Variants in CCDC138 observed in about 807,000 individuals in gnomAD.
CCDC138 encodes coiled-coil domain containing 138, also known as coiled-coil domain-containing protein 138.
CCDC138 carries 66 observed loss-of-function variants against 82.3 expected under a neutral mutation model. That is an observed-to-expected ratio of 0.80 (90% CI 0.66 to 0.98). CCDC138 has a LOEUF of 0.98. Ranked by LOEUF, CCDC138 falls within the 50% of genes least tolerant of loss-of-function variation. CCDC138 has a pLI of 0.00. For synonymous variants in CCDC138, 297 were observed against 265.4 expected (o/e 1.12, Z -1.16); for missense variants, 816 against 758.9 (o/e 1.08, Z -0.88).
chr2:108,788,736 A>G, intron 2 of CCDC138, 116 bp from the exon 3 acceptor site: 1 of 1,429,994 alleles, frequency 7.0e-7, no homozygotes. Flanking sequence ...AAAAAAAGAA[A>G]AAAAAATTTG....
At chr2:108,870,504 A>G (rs928415278) in intron 13 of CCDC138, among the ~76,000 whole-genome samples, 2 of 152,256 alleles carry the variant, frequency 1.3e-5, no homozygotes, top group Non-Finnish European at 2.9e-5. Context: ...CAAATCAAAG[A>G]AACTCAAGGA....
intron 3 of CCDC138, among the ~76,000 whole-genome samples, chr2:108,789,534 C>T (rs924598881): frequency 1.3e-5 from 2 of 152,146 alleles, no homozygotes; most frequent in African/African-American, 4.8e-5. Flanking sequence ...GTGGAGGTTG[C>T]AGTGAGCTAA....
At chr2:108,871,494 G>T (rs1307194277) in intron 13 of CCDC138, among the ~76,000 whole-genome samples, 2 of 151,968 alleles carry the variant, frequency 1.3e-5, no homozygotes, top group Admixed American at 6.6e-5. Flanking sequence ...GGAGGCTTCA[G>T]TGAGCCGAGA....
chr2:108,832,493 A>T (rs1327933728), intron 10 of CCDC138, among the ~76,000 whole-genome samples: 2 of 151,268 alleles, frequency 1.3e-5, no homozygotes, highest in Non-Finnish European at 2.9e-5. Flanking sequence ...GATTACAGGC[A>T]TGCGCCACCA....
intron 10 of CCDC138, among the ~76,000 whole-genome samples, chr2:108,830,072 A>C (rs970446747): frequency 6.6e-6 from 1 of 152,228 alleles, no homozygotes; most frequent in Non-Finnish European, 1.5e-5. Context: ...ATACATACAC[A>C]AGACTATTAT....
At chr2:108,824,888 C>T (rs777523852) in intron 10 of CCDC138, among the ~76,000 whole-genome samples, 2 of 152,102 alleles carry the variant, frequency 1.3e-5, no homozygotes, top group Non-Finnish European at 2.9e-5. Flanking sequence ...ATGGGACCAG[C>T]ATTGTTATAT....
intron 14 of CCDC138, among the ~76,000 whole-genome samples, chr2:108,875,159 A>G (rs77143573): frequency 0.017 from 2,548 of 151,856 alleles, 73 homozygotes; most frequent in African/African-American, 0.057. Flanking sequence ...TATTAGGACA[A>G]ACTCTCTCAA....
chr2:108,847,013 G>A (rs1202052994), intron 12 of CCDC138, 83 bp downstream of exon 12: 5 of 786,646 alleles, frequency 6.4e-6, no homozygotes, highest in Non-Finnish European at 1.0e-5. Context: ...TATCAAATAT[G>A]TTGTACATTT....
chr2:108,809,860 C>G (rs903585738), intron 7 of CCDC138, among the ~76,000 whole-genome samples: 1 of 152,140 alleles, frequency 6.6e-6, no homozygotes, highest in African/African-American at 2.4e-5. Flanking sequence ...GGCTGGAGTG[C>G]AGCAGCACGA....
rs531048837 is a variant in CCDC138 at position 108,840,620 on chromosome 2, T to C, written c.1323+1319T>C. 7.2e-5 allele frequency among the ~76,000 whole-genome samples: 11 copies of C among 152,292 alleles called. No homozygotes were observed. In the South Asian group the frequency reaches 2.3e-3, roughly 32 times the overall value. Reference sequence around the variant, plus strand: ...ACATTTATGTGTGTAGAGTTTTTCATAGTATTCTCTTATCCTTTTGATGTT... The same window carrying C: ...ACATTTATGTGTGTAGAGTTTTTCACAGTATTCTCTTATCCTTTTGATGTT... On this transcript the variant is annotated intron_variant, in intron 11 of 14. Coordinates refer to ENST00000295124, the MANE Select transcript of CCDC138 (RefSeq NM_144978.3).
intron 13 of CCDC138, among the ~76,000 whole-genome samples, chr2:108,871,383 A>G (rs1474646895): frequency 6.6e-6 from 1 of 150,488 alleles, no homozygotes; most frequent in Admixed American, 6.6e-5. Flanking sequence ...AAAAAAAAAA[A>G]AAAAAAAAAA....
chr2:108,843,841 G>GTT (rs1574181368), intron 11 of CCDC138, among the ~76,000 whole-genome samples: 15 of 81,824 alleles, frequency 1.8e-4, no homozygotes, highest in African/African-American at 7.6e-4. Context: ...TCAAGTTCAT[G>GTT]TTTTGTGTGT....
Position 108,862,797 on chromosome 2 carries a change from G to GT in CCDC138, c.1693+5836dup, listed in dbSNP as rs552346195. Among the ~76,000 whole-genome samples, 829 of 150,494 alleles carry GT rather than the reference G, an allele frequency of 5.5e-3. 10 individuals carry two copies. The highest frequency in any genetic ancestry group is 6.0e-3 in the Non-Finnish European group (404 of 67,482). On this transcript the variant is annotated intron_variant, in intron 13 of 14. Coordinates refer to ENST00000295124, the MANE Select transcript of CCDC138 (RefSeq NM_144978.3). ...GTTTTCTTGATGTTGGCCACCTTTT[G>GT]TTTTTTTTTACGTGGTTAGATACTA...
intron 5 of CCDC138, among the ~76,000 whole-genome samples, chr2:108,796,807 A>T (rs1680989541): frequency 6.6e-6 from 1 of 152,156 alleles, no homozygotes; most frequent in African/African-American, 2.4e-5. Flanking sequence ...AATGGTGGTT[A>T]CCAGAGGCTG....
intron 13 of CCDC138, among the ~76,000 whole-genome samples, chr2:108,861,255 C>A (rs1693554510): frequency 6.6e-6 from 1 of 150,776 alleles, no homozygotes; most frequent in African/African-American, 2.4e-5. Context: ...GTTTATTGAT[C>A]TTGTTTATCC....
At chr2:108,843,832 C>A (rs576252703) in intron 11 of CCDC138, among the ~76,000 whole-genome samples, 1 of 111,742 alleles carries the variant, frequency 8.9e-6, no homozygotes, top group East Asian at 3.1e-4. Context: ...ATTATTTCTT[C>A]AAGTTCATGT....
chr2:108,841,004 T>TTTG (rs1558710347), intron 11 of CCDC138, among the ~76,000 whole-genome samples: 21 of 151,482 alleles, frequency 1.4e-4, no homozygotes, highest in African/African-American at 4.9e-4. Flanking sequence ...TGTGTGTGTT[T>TTTG]TTTGTTTGTT....
At position 108,846,795 on chromosome 2, in the gene CCDC138, G is replaced by GT. The variant is rs1246221095; in HGVS notation, c.1382dup (p.Thr462AsnfsTer2). The GT allele has an allele frequency of 6.2e-7, 1 of 1,612,526 alleles. No individual in the cohort carries two copies. The highest frequency in any genetic ancestry group is 8.5e-7 in the Non-Finnish European group (1 of 1,178,838). On this transcript the variant is annotated frameshift_variant, in exon 12 of 15. Transcript: ENST00000295124. LOFTEE classifies it high-confidence loss of function. ...GGGTGAAGACATTTTTAAAGGAGTG[G>GT]TAACTAAAGGAATTCAGGATAATTC...
At chr2:108,814,051 A>G (rs1378344562) in intron 9 of CCDC138, among the ~76,000 whole-genome samples, 1 of 152,186 alleles carries the variant, frequency 6.6e-6, no homozygotes, top group African/African-American at 2.4e-5. Flanking sequence ...TGCTACGAAT[A>G]TTGGTGTACA....
Sources: gnomAD v4.1 joint callset for allele counts (sites outside exome capture counted in the v4.1 genomes callset) on GRCh38, gnomAD v4.1.1 for gene constraint, MANE v1.5 for transcripts, NCBI Gene and HGNC (gene_info 2026-07-23, HGNC 2026-07-21) for gene names.